Variants in CELSR2 observed in about 807,000 individuals in gnomAD.
CELSR2 encodes the protein cadherin EGF LAG seven-pass G-type receptor 2, also known as EGF-like protein 2.
In CELSR2, 81 loss-of-function variants were observed where a neutral mutation model predicts 251.6. The observed-to-expected ratio is 0.32, with a 90% CI of 0.27 to 0.39. The LOEUF (loss-of-function observed/expected upper bound fraction) is 0.39, where lower values mean the gene tolerates loss of function less well. CELSR2 is among the 10% of genes least tolerant of loss of function. The pLI is 1.00. For synonymous variants in CELSR2, 1,721 were observed against 1,670.5 expected (o/e 1.03, Z -0.74); for missense variants, 3,365 against 3,947.7 (o/e 0.85, Z 3.96).
chr1:109,250,510 G>C lies in CELSR2; in HGVS notation c.431G>C (p.Arg144Thr). Residue 144 changes from arginine (R) to threonine (T), a missense_variant, in exon 1 of 34, where the codon AGA becomes ACA. Arg to Thr is a moderately conservative substitution (Grantham distance 71, BLOSUM62 -1). This residue lies in a region of CELSR2 where 704 missense variants were observed against 784.1 expected (regional missense o/e 0.90). Transcript: ENST00000271332. This position sits in a 1 kb window ranked among gnomAD's most constrained non-coding sequence, Gnocchi z 4.4. ...CCGTGCTTAAAGGCTCCACGGCTCAGATGCCAGTCCTGCAAGCTGGCACAG... is the reference window on the plus strand; with the variant it reads ...CCGTGCTTAAAGGCTCCACGGCTCACATGCCAGTCCTGCAAGCTGGCACAG... ...EHPCLKAPRLRCQSCKLAQAP... is the reference protein window; with the variant it reads ...EHPCLKAPRLTCQSCKLAQAP... 1.2e-6 allele frequency: 2 copies of C among 1,613,844 alleles called. No individual in the cohort carries two copies. The highest frequency in any genetic ancestry group is 1.7e-6 in the Non-Finnish European group (2 of 1,180,022).
chr1:109,256,368 G>A (rs934306274), intron 1 of CELSR2, among the ~76,000 whole-genome samples: 1 of 152,160 alleles, frequency 6.6e-6, no homozygotes, highest in African/African-American at 2.4e-5. Flanking sequence ...TTGCTGGTGA[G>A]AGCTAGTGAG....
At chr1:109,270,356 C>A (rs1335672578) in intron 23 of CELSR2, 70 bp from the exon 24 acceptor site, 30 of 1,551,596 alleles carry the variant, frequency 1.9e-5, no homozygotes, top group Admixed American at 3.4e-5. Flanking sequence ...CTCCTCCATG[C>A]CTGACCCGAA....
rs760643073 is a variant in CELSR2, at chr1:109,251,667, A to G, written c.1588A>G (p.Ile530Val). Residue 530 changes from isoleucine to valine, a missense_variant, in exon 1 of 34, where the codon ATC (isoleucine) becomes GTC (valine). By Grantham distance (29) the Ile-to-Val change is conservative. Around this residue, in one of 5 missense-constraint regions of CELSR2, gnomAD observed 704 missense variants for 784.1 expected, o/e 0.90. Transcript: ENST00000271332. The surrounding 1 kb of genome is among the most constrained non-coding windows in gnomAD (Gnocchi z 4.9). ...CTACCTGGTTCTCCATGTCCAGGCTATCGACGCTGATGCTGGTGACAATGC... is the reference window on the plus strand; with the variant it reads ...CTACCTGGTTCTCCATGTCCAGGCTGTCGACGCTGATGCTGGTGACAATGC... Reference protein sequence around the residue: ...LGYLVLHVQAIDADAGDNARL... With the variant: ...LGYLVLHVQAVDADAGDNARL... 1.1e-5 allele frequency: 17 copies of G among 1,613,750 alleles called. 1 individual carries two copies. The highest frequency in any genetic ancestry group is 3.3e-5 in the Admixed American group (2 of 59,980).
chr1:109,274,381 A>T lies in CELSR2; in HGVS notation c.*332A>T. ...GACTTCAGGGATTCATTTTTTTTAT[A>T]CGCTGGAAATTGACTCCCCTTTCCC... On this transcript the variant is annotated 3_prime_UTR_variant, in exon 34 of 34. Coordinates refer to ENST00000271332, the MANE Select transcript of CELSR2 (RefSeq NM_001408.3). 2.4e-6 allele frequency: 1 copy of T among 415,388 alleles called. No homozygotes were observed. The highest frequency in any genetic ancestry group is 4.2e-6 in the Non-Finnish European group (1 of 236,246). 25.7% of individuals were successfully genotyped at this position (415,388 alleles called of 1,614,324 possible). A position where few individuals can be genotyped will look rare whatever the true frequency, so the allele number is the denominator to read the frequency against.
chr1:109,266,986 GC>G (rs1180373124), intron 15 of CELSR2, among the ~76,000 whole-genome samples: 1 of 152,116 alleles, frequency 6.6e-6, no homozygotes, highest in African/African-American at 2.4e-5. Flanking sequence ...CTCCCAAAGT[GC>G]CGAGATTACA....
chr1:109,272,779 C>G, intron 30 of CELSR2, 51 bp downstream of exon 30: 1 of 1,613,092 alleles, frequency 6.2e-7, no homozygotes, highest in Non-Finnish European at 8.5e-7. Context: ...CTGGCTTTTA[C>G]TGAAGGTGGG....
chr1:109,265,893 T>C lies in CELSR2; in HGVS notation c.5886T>C (p.Ala1962=). Residue 1962 remains alanine (A), a synonymous_variant, in exon 14 of 34, where the codon GCT becomes GCC. Transcript: ENST00000271332. ...RQCDRCDNPF[A]EVTTNGCEVN... is the part of the protein sequence containing the mutation. ...GTGACCGCTGTGACAACCCTTTTGC[T>C]GAGGTCACCACCAATGGCTGTGAAG... The C allele has an allele frequency of 6.2e-7, 1 of 1,613,794 alleles. No individual in the cohort carries two copies.
chr1:109,269,872 G>T lies in CELSR2; in HGVS notation c.7107+52G>T. On this transcript the variant is annotated intron_variant, in intron 22 of 33. Coordinates refer to ENST00000271332, the MANE Select transcript of CELSR2 (RefSeq NM_001408.3). This position sits in a 1 kb window ranked among gnomAD's most constrained non-coding sequence, Gnocchi z 6.4. ...GCCGTGGGTGGGCACCCAGGGCACG[G>T]GGCTGGGTGCTCAGGTCCTGCCCTT... 1 of 1,613,534 alleles carries T rather than the reference G, an allele frequency of 6.2e-7. No individual in the cohort carries two copies.
rs1342723141 is a variant in CELSR2 at position 109,273,494 on chromosome 1, C to T, written c.8568C>T (p.Leu2856=). Residue 2856 remains leucine (L), a synonymous_variant, in exon 33 of 34, where the codon CTC becomes CTT. Transcript: ENST00000271332. ...TISEKSSLLR[L]PLEQCTGSSR... ...GCGAGAAGAGCAGCCTCCTGCGGCT[C>T]CCCCTGGAGCAATGCACAGGGTCTT... 1.1e-5 allele frequency: 17 copies of T among 1,611,270 alleles called. No individual in the cohort carries two copies. The highest frequency in any genetic ancestry group is 1.4e-5 in the Non-Finnish European group (17 of 1,179,076).
rs61761209 is a variant in CELSR2 at position 109,267,561 on chromosome 1, C to T, written c.6027C>T (p.Arg2009=). The T allele has an allele frequency of 0.051, 82,322 of 1,613,858 alleles. 2,398 individuals carry two copies. The highest frequency in any genetic ancestry group is 0.077 in the Middle Eastern group (464 of 6,058). The change falls in exon 16 of 34, where the codon CGC becomes CGT. Residue 2009 remains arginine (R), a synonymous_variant. Coordinates refer to ENST00000271332, the MANE Select transcript of CELSR2 (RefSeq NM_001408.3). ...TCCTTCCCCCAGGGACTGCTGTGCGCCACTGTGATGAGCACAGGGGGTGGC... is the reference window on the plus strand; with the variant it reads ...TCCTTCCCCCAGGGACTGCTGTGCGTCACTGTGATGAGCACAGGGGGTGGC... The part of the protein sequence containing the change: ...CPKGSFGTAV[R]HCDEHRGWLP...
intron 15 of CELSR2, chr1:109,266,544 C>T (rs1351650412): frequency 5.5e-6 from 1 of 180,650 alleles, no homozygotes; most frequent in East Asian, 1.3e-4. Flanking sequence ...CTCTGGCCGC[C>T]ACCACACCTG....
At chr1:109,270,353 A>G in intron 23 of CELSR2, 73 bp from the exon 24 acceptor site, 1 of 1,537,934 alleles carries the variant, frequency 6.5e-7, no homozygotes. Context: ...GCCCTCCTCC[A>G]TGCCTGACCC....
chr1:109,259,500 G>A (rs945145726), intron 2 of CELSR2, among the ~76,000 whole-genome samples: 5 of 152,216 alleles, frequency 3.3e-5, no homozygotes, highest in African/African-American at 1.2e-4. Flanking sequence ...AACAGCTGGT[G>A]GCATGGAAGG....
rs1460335994 is a variant in CELSR2, at chr1:109,250,146, C to T, written c.67C>T (p.Leu23=). 5 of 1,597,754 alleles carry T rather than the reference C, an allele frequency of 3.1e-6. No homozygotes were observed. Among genetic ancestry groups the T allele is most frequent in the African/African-American group, 1.4e-5 (1 of 73,820 alleles). The part of the protein sequence containing the change: ...PPPPLLLLLL[L]LLPPPLLGDQ... Reference sequence around the variant, plus strand: ...GCCGCCGCTGCTGCTGCTGTTGCTGCTGCTGCTGCCGCCGCCACTATTGGG... The same window carrying T: ...GCCGCCGCTGCTGCTGCTGTTGCTGTTGCTGCTGCCGCCGCCACTATTGGG... The change falls in exon 1 of 34, where the codon CTG becomes TTG. Residue 23 remains leucine, a synonymous_variant. Transcript: ENST00000271332. The surrounding 1 kb of genome is among the most constrained non-coding windows in gnomAD (Gnocchi z 4.4).
Position 109,252,777 on chromosome 1 carries a change from C to G in CELSR2, c.2698C>G (p.Pro900Ala), listed in dbSNP as rs1325927042. 3 of 1,613,902 alleles carry G rather than the reference C, an allele frequency of 1.9e-6. No homozygotes were observed. The highest frequency in any genetic ancestry group is 1.1e-5 in the South Asian group (1 of 91,088). Residue 900 changes from proline (P) to alanine (A), a missense_variant, in exon 1 of 34, where the codon CCA (proline) becomes GCA (alanine). Coordinates refer to ENST00000271332, the MANE Select transcript of CELSR2 (RefSeq NM_001408.3). The surrounding 1 kb of genome is among the most constrained non-coding windows in gnomAD (Gnocchi z 4.8). ...ATATGCAGTGGACAAGGGGATGCCC[C>G]CAGCCCGCACACCTATGGAAGTGAC... The part of the protein sequence containing the change: ...RAYAVDKGMP[P>A]ARTPMEVTVT...
At chr1:109,262,469 T>G (rs1393349897) in intron 6 of CELSR2, 25 bp downstream of exon 6, 2 of 1,608,438 alleles carry the variant, frequency 1.2e-6, no homozygotes, top group South Asian at 2.2e-5. Context: ...GGGCCAGGGA[T>G]GGGGTGAAGT....
chr1:109,274,016 C>T lies in CELSR2; in HGVS notation c.8745-6C>T, dbSNP rs1656453830. ...TTTCTGCCACTTTCCTTTCCTGCCT[C>T]TCCAGATTTCTCTTCTTTAACTTCC... is the stretch of plus-strand genomic sequence containing the variant. On this transcript the variant is annotated splice_region_variant and splice_polypyrimidine_tract_variant and intron_variant, in intron 33 of 33. Transcript: ENST00000271332. The T allele has an allele frequency of 6.2e-7, 1 of 1,614,140 alleles. No homozygotes were observed. Among genetic ancestry groups the T allele is most frequent in the Non-Finnish European group, 8.5e-7 (1 of 1,179,992 alleles).
intron 31 of CELSR2, 25 bp from the exon 32 acceptor site, chr1:109,273,141 C>A (rs369118113): frequency 1.9e-5 from 31 of 1,608,144 alleles, no homozygotes; most frequent in Middle Eastern, 3.3e-4. Flanking sequence ...CTCTGTGGGC[C>A]TCATCTACTT....
At position 109,274,470 on chromosome 1, in the gene CELSR2, T is replaced by G; in HGVS notation, c.*421T>G. ...CCTCTCCTCAGTTTCCCATCTGCTG[T>G]GCCTCTGGGAGGAGAGGGACTCCTG... On this transcript the variant is annotated 3_prime_UTR_variant, in exon 34 of 34. Coordinates refer to ENST00000271332, the MANE Select transcript of CELSR2 (RefSeq NM_001408.3). The G allele has an allele frequency of 4.7e-6, 1 of 214,790 alleles. No homozygotes were observed. The highest frequency in any genetic ancestry group is 9.3e-6 in the Non-Finnish European group (1 of 107,912). 13.3% of individuals were successfully genotyped at this position (214,790 alleles called of 1,614,324 possible). A position where few individuals can be genotyped will look rare whatever the true frequency, so the allele number is the denominator to read the frequency against.
Sources: allele counts gnomAD v4.1 joint callset (sites outside exome capture counted in the v4.1 genomes callset), GRCh38; gene constraint gnomAD v4.1.1; regional missense constraint gnomAD v4.1.1; non-coding constraint Gnocchi (gnomAD v3.1); transcripts MANE v1.5; gene names NCBI Gene and HGNC (gene_info 2026-07-23, HGNC 2026-07-21).